Variants in RAI2 observed in about 807,000 individuals in gnomAD.
The protein encoded by RAI2 is retinoic acid-induced protein 2.
In RAI2, 5 loss-of-function variants were observed where a neutral mutation model predicts 15.3. The ratio of observed to expected loss-of-function variants is 0.33; its 90% CI spans 0.17 to 0.69. The LOEUF (loss-of-function observed/expected upper bound fraction) is 0.69. RAI2 is among the 30% of genes least tolerant of loss of function. The pLI, the probability that RAI2 is intolerant of heterozygous loss-of-function variation, is 0.69. For synonymous variants in RAI2, 191 were observed against 184.0 expected (o/e 1.04, Z -0.31); for missense variants, 424 against 424.7 (o/e 1.00, Z 0.01).
At chrX:17,817,051 C>T (rs1001335401) in intron 1 of RAI2, among the ~76,000 whole-genome samples, 1 of 111,583 alleles carries the variant, frequency 9.0e-6, no homozygotes, top group African/African-American at 3.3e-5. Flanking sequence ...GGGGAAGGGC[C>T]GCCTGCCATC....
In RAI2 at chrX:17,800,329, A is replaced by G; in HGVS notation, c.*89T>C. The stretch of plus-strand genomic sequence containing the variant: ...TTCCCAACTACTCCCCAAAATAATT[A>G]ACAAAGATAATTTGTTTTAAATGCC... On this transcript the variant is annotated 3_prime_UTR_variant, in exon 2 of 2. Coordinates refer to ENST00000451717, the MANE Select transcript of RAI2 (RefSeq NM_021785.6). The G allele has an allele frequency of 9.3e-7, 1 of 1,077,652 alleles. No individual in the cohort carries two copies. Among genetic ancestry groups the G allele is most frequent in the Non-Finnish European group, 1.2e-6 (1 of 815,991 alleles). 88.8% of individuals were successfully genotyped at this position (1,077,652 alleles called of 1,213,427 possible).
At chrX:17,851,841 T>C (rs1481031227) in intron 1 of RAI2, among the ~76,000 whole-genome samples, 3 of 112,605 alleles carry the variant, frequency 2.7e-5, no homozygotes, top group African/African-American at 9.7e-5. Context: ...AATCTGTTTC[T>C]ACTTAATACA....
intron 1 of RAI2, among the ~76,000 whole-genome samples, chrX:17,852,059 T>A (rs180756219): frequency 5.4e-5 from 6 of 111,925 alleles, no homozygotes; most frequent in African/African-American, 2.0e-4. Flanking sequence ...CGCCCAGATT[T>A]ATGATCCTAT....
At chrX:17,823,384 C>T (rs2147240089) in intron 1 of RAI2, among the ~76,000 whole-genome samples, 1 of 112,285 alleles carries the variant, frequency 8.9e-6, no homozygotes, top group Non-Finnish European at 1.9e-5. Context: ...ATAAACAATA[C>T]ATAAGATGAA....
intron 1 of RAI2, among the ~76,000 whole-genome samples, chrX:17,835,726 T>C (rs954138129): frequency 2.7e-5 from 3 of 111,829 alleles, no homozygotes; most frequent in South Asian, 3.8e-4. Context: ...CCCTTTCTTA[T>C]GTGGAAAAAT....
chrX:17,861,074 G>T (rs990476889), intron 1 of RAI2, 24 bp downstream of exon 1: 1 of 106,903 alleles, frequency 9.4e-6, no homozygotes, highest in Non-Finnish European at 2.0e-5. Flanking sequence ...ACCCCGGCCC[G>T]CACGGGGGCG....
At chrX:17,860,291 C>T (rs975043936) in intron 1 of RAI2, among the ~76,000 whole-genome samples, 3 of 112,909 alleles carry the variant, frequency 2.7e-5, no homozygotes, top group Non-Finnish European at 5.6e-5. Flanking sequence ...AAATGGCAAA[C>T]AAGCAAACAC....
intron 1 of RAI2, among the ~76,000 whole-genome samples, chrX:17,835,100 T>C (rs748847758): frequency 2.1e-4 from 23 of 111,883 alleles, no homozygotes; most frequent in Non-Finnish European, 4.0e-4. Flanking sequence ...AAATCGTCAG[T>C]GAGTGATCAC....
chrX:17,801,829 G>T lies in RAI2; in HGVS notation c.182C>A (p.Pro61His). 1.7e-6 allele frequency: 2 copies of T among 1,211,644 alleles called. No individual in the cohort carries two copies. Among genetic ancestry groups the T allele is most frequent in the South Asian group, 1.8e-5 (1 of 56,935 alleles). Residue 61 changes from proline (P) to histidine (H), a missense_variant, in exon 2 of 2, where the codon CCC (proline) becomes CAC (histidine). Pro to His is a moderately conservative substitution (Grantham distance 77, BLOSUM62 -2). Transcript: ENST00000451717. Reference protein sequence around the residue: ...VTVPAPSILNPPAESQSGMAL... With the variant: ...VTVPAPSILNHPAESQSGMAL... ...CATGCCACTCTGAGACTCGGCAGGGGGGTTCAGAATGGATGGGGCTGGCAC... is the reference window on the plus strand; with the variant it reads ...CATGCCACTCTGAGACTCGGCAGGGTGGTTCAGAATGGATGGGGCTGGCAC...
rs1343236409 is a variant in RAI2, at chrX:17,800,611, G to C, written c.1400C>G (p.Ser467Cys). The C allele has an allele frequency of 3.3e-6, 4 of 1,211,725 alleles. No homozygotes were observed. The Admixed American group carries it at 8.7e-5, about 26-fold the overall frequency. ...GLSGVSTKNF[S>C]FKREDSVLQG... is the part of the protein sequence containing the mutation. ...AAGCACGGAGTCTTCTCTTTTGAAG[G>C]AGAAGTTTTTGGTGGACACCCCTGA... The change falls in exon 2 of 2, where the codon TCC (serine) becomes TGC (cysteine). Residue 467 changes from serine (S) to cysteine (C), a missense_variant. Transcript: ENST00000451717.
intron 1 of RAI2, among the ~76,000 whole-genome samples, chrX:17,813,364 G>A (rs1456965651): frequency 8.9e-6 from 1 of 111,905 alleles, no homozygotes; most frequent in Non-Finnish European, 1.9e-5. Context: ...TGACTGATAA[G>A]GCTGAAGTAT....
intron 1 of RAI2, among the ~76,000 whole-genome samples, chrX:17,857,359 T>C: frequency 8.9e-6 from 1 of 111,967 alleles, no homozygotes; most frequent in Non-Finnish European, 1.9e-5. Context: ...TACCACCTGG[T>C]TGGAAGGGGG....
At chrX:17,804,171 G>A (rs887174267) in intron 1 of RAI2, among the ~76,000 whole-genome samples, 1 of 110,620 alleles carries the variant, frequency 9.0e-6, no homozygotes, top group Non-Finnish European at 1.9e-5. Context: ...TGTTGTCCGG[G>A]ATCATCTTGA....
In RAI2 at chrX:17,801,318, C is replaced by A; in HGVS notation, c.693G>T (p.Leu231Phe). The change falls in exon 2 of 2, where the codon TTG becomes TTT. Residue 231 changes from leucine to phenylalanine, a missense_variant. Leu to Phe is a conservative substitution (Grantham distance 22). Transcript: ENST00000451717. ...LSPLVPPATL[L>F]VPYPVIVPLP... ...AGGGGACGATTACAGGATACGGCAC[C>A]AAGAGGGTGGCTGGTGGGACCAGGG... 1 of 1,161,292 alleles carries A rather than the reference C, an allele frequency of 8.6e-7. No homozygotes were observed.
At chrX:17,802,225 G>A (rs16980679) in intron 1 of RAI2, among the ~76,000 whole-genome samples, 191 bp from the exon 2 acceptor site, 6,505 of 112,044 alleles carry the variant, frequency 0.058, 193 homozygotes, top group African/African-American at 0.1. Flanking sequence ...TCCTGTGTGC[G>A]TGGAGAACCC....
chrX:17,850,623 C>T, intron 1 of RAI2, among the ~76,000 whole-genome samples: 1 of 112,321 alleles, frequency 8.9e-6, no homozygotes, highest in East Asian at 2.8e-4. Flanking sequence ...AGGATCCTTC[C>T]TCAGGTTGCT....
intron 1 of RAI2, among the ~76,000 whole-genome samples, chrX:17,822,225 A>G (rs1411475917): frequency 8.9e-6 from 1 of 111,925 alleles, no homozygotes; most frequent in Non-Finnish European, 1.9e-5. Context: ...AGTTCAATAG[A>G]TGACAAGAAT....
At chrX:17,829,275 T>TG (rs1274182341) in intron 1 of RAI2, among the ~76,000 whole-genome samples, 1 of 79,371 alleles carries the variant, frequency 1.3e-5, no homozygotes, top group Non-Finnish European at 2.3e-5. Context: ...GCCATCTGTA[T>TG]GGAAAAAAAA....
intron 1 of RAI2, among the ~76,000 whole-genome samples, chrX:17,846,076 G>C (rs1429662925): frequency 1.8e-5 from 2 of 111,734 alleles, no homozygotes; most frequent in African/African-American, 6.5e-5. Context: ...GTTGGAACCA[G>C]AGAAGCTATT....
Sources: gnomAD v4.1 joint callset for allele counts (sites outside exome capture counted in the v4.1 genomes callset) on GRCh38, gnomAD v4.1.1 for gene constraint, MANE v1.5 for transcripts, NCBI Gene and HGNC (gene_info 2026-07-23, HGNC 2026-07-21) for gene names.